ARPC2: variants seen among roughly 807,000 people sequenced by gnomAD.
The protein encoded by ARPC2 is actin-related protein 2/3 complex subunit 2.
A neutral mutation model predicts 38.6 loss-of-function variants in ARPC2; 4 were observed. The ratio of observed to expected loss-of-function variants is 0.10; its 90% CI spans 0.05 to 0.24. ARPC2 has a LOEUF of 0.24. Among genes scored for constraint, ARPC2 ranks in the 10% least tolerant of loss-of-function variants. The pLI is 1.00. For missense variants in ARPC2, 229 were observed against 387.3 expected, an observed-to-expected ratio of 0.59 and a Z score of 3.43; for synonymous variants, 125 against 140.8, an observed-to-expected ratio of 0.89 and a Z score of 0.79.
intron 5 of ARPC2, among the ~76,000 whole-genome samples, chr2:218,237,641 G>A (rs1025620086): frequency 4.1e-5 from 6 of 145,596 alleles, no homozygotes; most frequent in African/African-American, 1.0e-4. Context: ...ATATCAGCTC[G>A]CTGTAACCTC....
intron 8 of ARPC2, among the ~76,000 whole-genome samples, chr2:218,246,218 CAA>C (rs147821442): frequency 4.2e-4 from 49 of 116,150 alleles, no homozygotes; most frequent in Admixed American, 3.6e-4. Context: ...CTCTTGTCTC[CAA>C]AAAAAAAAAA....
At chr2:218,238,593 T>G (rs1418552799) in intron 5 of ARPC2, 71 bp from the exon 6 acceptor site, 2 of 182,716 alleles carry the variant, frequency 1.1e-5, no homozygotes, top group African/African-American at 5.1e-5. Flanking sequence ...TATGCTGCTT[T>G]TTTTTTTTTT....
intron 4 of ARPC2, among the ~76,000 whole-genome samples, chr2:218,230,287 C>CGTTTTTTTT: frequency 1.4e-5 from 1 of 73,014 alleles, no homozygotes; most frequent in Non-Finnish European, 2.4e-5. Context: ...TTTTTTTTTT[C>CGTTTTTTTT]TTTTTTTTTT....
At chr2:218,240,685 G>T (rs994827212) in intron 7 of ARPC2, among the ~76,000 whole-genome samples, 39 of 151,930 alleles carry the variant, frequency 2.6e-4, no homozygotes, top group African/African-American at 8.7e-4. Context: ...AGGTCAAGAG[G>T]TCAAGACCAT....
At chr2:218,226,311 A>G (rs1432779010) in intron 3 of ARPC2, among the ~76,000 whole-genome samples, 1 of 150,636 alleles carries the variant, frequency 6.6e-6, no homozygotes, top group Admixed American at 6.6e-5. Context: ...GAGAGAGACA[A>G]GAAAAGAAAA....
At chr2:218,251,222 G>GT in intron 10 of ARPC2, among the ~76,000 whole-genome samples, 1 of 151,612 alleles carries the variant, frequency 6.6e-6, no homozygotes, top group East Asian at 1.9e-4. Context: ...TTTGTTTTTT[G>GT]TTTTTTGATA....
chr2:218,244,871 TGAGA>T (rs1488991348), intron 7 of ARPC2, among the ~76,000 whole-genome samples: 1 of 152,250 alleles, frequency 6.6e-6, no homozygotes, highest in Middle Eastern at 3.2e-3. Context: ...CAGATCTGGC[TGAGA>T]GAGAGAAGCC....
chr2:218,249,667 C>G, intron 9 of ARPC2, 154 bp from the exon 10 acceptor site: 1 of 804,106 alleles, frequency 1.2e-6, no homozygotes, highest in Non-Finnish European at 1.9e-6. Context: ...ATATTTGTTT[C>G]CAGAATTGCT....
In ARPC2 at chr2:218,249,884, C is replaced by T. The variant is rs1267492794; in HGVS notation, c.841C>T (p.Arg281Cys). 8.7e-6 allele frequency: 14 copies of T among 1,613,654 alleles called. No homozygotes were observed. Among genetic ancestry groups the T allele is most frequent in the Middle Eastern group, 1.7e-4 (1 of 6,060 alleles). Residue 281 changes from arginine (R) to cysteine (C), a missense_variant, in exon 10 of 11, where the codon CGC (arginine) becomes TGC (cysteine). Around this residue, in one of 3 missense-constraint regions of ARPC2, gnomAD observed 92 missense variants for 152.3 expected, o/e 0.60. Coordinates refer to ENST00000315717, the MANE Select transcript of ARPC2 (RefSeq NM_152862.3). ...CTTCCTCAAGGTGCTGAACCGCGCA[C>T]GCCCAGATGCCGAGAAAAAAGAAAT... is the stretch of plus-strand genomic sequence containing the variant. ...SDFLKVLNRA[R>C]PDAEKKEMKT...
At position 218,251,292 on chromosome 2, in the gene ARPC2, A is replaced by T. The variant is rs190285427; in HGVS notation, c.878+1371A>T. Among the ~76,000 whole-genome samples, 246 of 152,048 alleles carry T rather than the reference A, an allele frequency of 1.6e-3. 2 individuals are homozygous for T. Among genetic ancestry groups the T allele is most frequent in the African/African-American group, 5.7e-3 (235 of 41,464 alleles). ...AGAGGCACAATCTTAGTTCACTACG[A>T]CCTCTGCCTCCTGGGTTCAAGCAAT... On this transcript the variant is annotated intron_variant, in intron 10 of 10. Coordinates refer to ENST00000315717, the MANE Select transcript of ARPC2 (RefSeq NM_152862.3).
chr2:218,227,827 A>C (rs1021546634), intron 3 of ARPC2, among the ~76,000 whole-genome samples: 3 of 152,092 alleles, frequency 2.0e-5, no homozygotes, highest in Admixed American at 6.6e-5. Context: ...CCTGACCTCA[A>C]GTGATCCACC....
intron 8 of ARPC2, among the ~76,000 whole-genome samples, chr2:218,248,813 C>T (rs746420782): frequency 4.6e-5 from 7 of 152,192 alleles, no homozygotes; most frequent in Admixed American, 2.0e-4. Context: ...CAGTCAGGCC[C>T]ATTCAGAGCA....
chr2:218,244,292 T>C (rs534543507), intron 7 of ARPC2, among the ~76,000 whole-genome samples: 4 of 152,286 alleles, frequency 2.6e-5, no homozygotes, highest in Admixed American at 1.3e-4. Context: ...GGCTGGGCAT[T>C]GGGGCTCCTC....
chr2:218,234,980 C>T (rs556147455), intron 5 of ARPC2: 9 of 398,020 alleles, frequency 2.3e-5, no homozygotes, highest in African/African-American at 1.7e-4. Flanking sequence ...AGCCTTTTTA[C>T]CCTGTGATTC....
chr2:218,244,311 T>C (rs1574591365), intron 7 of ARPC2, among the ~76,000 whole-genome samples: 1 of 152,212 alleles, frequency 6.6e-6, no homozygotes, highest in African/African-American at 2.4e-5. Flanking sequence ...TCAGCCATCA[T>C]CTTTCTTTTG....
intron 1 of ARPC2, 76 bp from the exon 2 acceptor site, chr2:218,217,387 A>G: frequency 7.6e-7 from 1 of 1,319,992 alleles, no homozygotes; most frequent in South Asian, 1.2e-5. Flanking sequence ...CTCAGGGGGC[A>G]GCAGGGCCGC....
chr2:218,222,355 T>G (rs1450237259), intron 2 of ARPC2, among the ~76,000 whole-genome samples: 1 of 152,102 alleles, frequency 6.6e-6, no homozygotes, highest in Non-Finnish European at 1.5e-5. Flanking sequence ...GAAGATGAGA[T>G]AATACAGTTG....
chr2:218,230,983 G>T (rs1689620479), intron 4 of ARPC2, among the ~76,000 whole-genome samples: 1 of 152,148 alleles, frequency 6.6e-6, no homozygotes, highest in Admixed American at 6.5e-5. Flanking sequence ...TATTCTTGTA[G>T]CTACCACAAG....
At chr2:218,245,998 G>A (rs13015410) in intron 8 of ARPC2, among the ~76,000 whole-genome samples, 62,111 of 151,688 alleles carry the variant, frequency 0.41, 14,778 homozygotes, top group South Asian at 0.61. Flanking sequence ...GGTGGATCAC[G>A]AGGTCAGGAG....
Sources: allele counts gnomAD v4.1 joint callset (sites outside exome capture counted in the v4.1 genomes callset), GRCh38; gene constraint gnomAD v4.1.1; regional missense constraint gnomAD v4.1.1; transcripts MANE v1.5; gene names NCBI Gene and HGNC (gene_info 2026-07-23, HGNC 2026-07-21).